The following MARCHF6 variants were observed in gnomAD, a reference collection of about 807,000 sequenced individuals.
MARCHF6 encodes membrane associated ring-CH-type finger 6.
MARCHF6 carries 31 observed loss-of-function variants against 133.7 expected under a neutral mutation model. The observed-to-expected ratio is 0.23, with a 90% CI of 0.17 to 0.31. MARCHF6 has a LOEUF of 0.31. Among genes scored for constraint, MARCHF6 ranks in the 10% least tolerant of loss-of-function variants. The pLI is 1.00. For missense variants in MARCHF6, 723 were observed against 1,121.6 expected, an observed-to-expected ratio of 0.64 and a Z score of 5.08; for synonymous variants, 395 against 402.5, an observed-to-expected ratio of 0.98 and a Z score of 0.22.
At chr5:10,369,568 T>C (rs1474473287) in intron 1 of MARCHF6, among the ~76,000 whole-genome samples, 3 of 150,864 alleles carry the variant, frequency 2.0e-5, no homozygotes, top group African/African-American at 7.3e-5. Context: ...TGCAGTCATA[T>C]AGCCAGCACA....
At chr5:10,405,240 CT>C (rs1475783793) in intron 15 of MARCHF6, among the ~76,000 whole-genome samples, 1 of 152,084 alleles carries the variant, frequency 6.6e-6, no homozygotes, top group Non-Finnish European at 1.5e-5. Flanking sequence ...CAACATAACC[CT>C]TTTACGATAG....
intron 2 of MARCHF6, 28 bp downstream of exon 2, chr5:10,377,922 A>G (rs1736887814): frequency 7.3e-7 from 1 of 1,376,030 alleles, no homozygotes; most frequent in Non-Finnish European, 1.0e-6. Flanking sequence ...AAAGTTATGT[A>G]AGTCTGAGCT....
chr5:10,382,926 G>C (rs1401231516), intron 4 of MARCHF6, among the ~76,000 whole-genome samples: 1 of 152,106 alleles, frequency 6.6e-6, no homozygotes, highest in South Asian at 2.1e-4. Context: ...TGGGAGGGTG[G>C]TATACTAATC....
chr5:10,415,738 A>G, intron 21 of MARCHF6, 69 bp downstream of exon 21: 1 of 1,152,814 alleles, frequency 8.7e-7, no homozygotes, highest in Non-Finnish European at 1.1e-6. Flanking sequence ...GTCATCTTAA[A>G]TTTTTTTTTT....
intron 22 of MARCHF6, among the ~76,000 whole-genome samples, chr5:10,420,347 T>C (rs1231503769): frequency 2.0e-5 from 3 of 152,186 alleles, no homozygotes; most frequent in Non-Finnish European, 4.4e-5. Context: ...TGCAGGTATG[T>C]TACATTGCAG....
chr5:10,410,875 A>C (rs377675581), intron 18 of MARCHF6, among the ~76,000 whole-genome samples: 1 of 152,168 alleles, frequency 6.6e-6, no homozygotes, highest in Non-Finnish European at 1.5e-5. Flanking sequence ...AGGTTTTACA[A>C]ATTTATAGCT....
At chr5:10,400,240 GA>G (rs1341503283) in intron 10 of MARCHF6, among the ~76,000 whole-genome samples, 1 of 152,148 alleles carries the variant, frequency 6.6e-6, no homozygotes, top group Non-Finnish European at 1.5e-5. Context: ...GAAAGAAGAA[GA>G]AATTCTTATC....
intron 17 of MARCHF6, among the ~76,000 whole-genome samples, chr5:10,409,463 G>A (rs552199373): frequency 6.6e-5 from 10 of 152,324 alleles, no homozygotes; most frequent in Admixed American, 6.5e-4. Flanking sequence ...GGATCTGCAG[G>A]GAGGCAAGTT....
At chr5:10,356,961 TG>T (rs1391564132) in intron 1 of MARCHF6, among the ~76,000 whole-genome samples, 2 of 152,230 alleles carry the variant, frequency 1.3e-5, no homozygotes, top group African/African-American at 4.8e-5. Context: ...AATTAATTTT[TG>T]TAAAATCAAC....
At position 10,434,529 on chromosome 5, in the gene MARCHF6, CTA is replaced by C. The variant is rs1740520527; in HGVS notation, c.*847_*848del. 1 of 134,284 alleles carries C rather than the reference CTA, an allele frequency of 7.4e-6. No individual in the cohort carries two copies. The highest frequency in any genetic ancestry group is 8.4e-5 in the Admixed American group (1 of 11,908). The allele number at this position is 134,284 out of a possible 1,614,324, so 8.3% of individuals were successfully genotyped here. A position where few individuals can be genotyped will look rare whatever the true frequency, so the allele number is the denominator to read the frequency against. On this transcript the variant is annotated 3_prime_UTR_variant, in exon 26 of 26. Coordinates refer to ENST00000274140, the MANE Select transcript of MARCHF6 (RefSeq NM_005885.4). The stretch of plus-strand genomic sequence containing the variant: ...CACATCCTCTCTTTTCCACACACAA[CTA>C]TCTGTTTATTTTTTGTAGCAGTGGC...
In MARCHF6 at chr5:10,414,438, T is replaced by C; in HGVS notation, c.1902T>C (p.Phe634=). 5 of 1,609,396 alleles carry C rather than the reference T, an allele frequency of 3.1e-6. No individual in the cohort carries two copies. Among genetic ancestry groups the C allele is most frequent in the Non-Finnish European group, 4.3e-6 (5 of 1,176,336 alleles). Residue 634 remains phenylalanine (F), a synonymous_variant, in exon 20 of 26, where the codon TTT becomes TTC. Transcript: ENST00000274140. ...CCTTATGTTTTACTTTGCAGATATT[T>C]CTGTTGATTGTCTTCATGTGTATAA... The part of the protein sequence containing the change: ...RRPLNFPLRI[F]LLIVFMCITL...
At chr5:10,401,874 A>C (rs943942299) in intron 11 of MARCHF6, 185 bp from the exon 12 acceptor site, 1 of 588,224 alleles carries the variant, frequency 1.7e-6, no homozygotes. Context: ...TTTTAGTAAT[A>C]TATAACAGTC....
chr5:10,376,912 T>G (rs930168672), intron 1 of MARCHF6, among the ~76,000 whole-genome samples: 4 of 152,182 alleles, frequency 2.6e-5, no homozygotes, highest in Non-Finnish European at 5.9e-5. Context: ...TGCATTAAGT[T>G]TCTGCCCATT....
chr5:10,377,912 A>G lies in MARCHF6; in HGVS notation c.116+18A>G. ...CAAGAATGGTAAGTCATACTTTTAG[A>G]AAGTTATGTAAGTCTGAGCTTCAGT... is the stretch of plus-strand genomic sequence containing the variant. On this transcript the variant is annotated intron_variant, in intron 2 of 25. Coordinates refer to ENST00000274140, the MANE Select transcript of MARCHF6 (RefSeq NM_005885.4). The G allele has an allele frequency of 1.3e-6, 2 of 1,487,214 alleles. No individual in the cohort carries two copies. Among genetic ancestry groups the G allele is most frequent in the East Asian group, 2.3e-5 (1 of 44,260 alleles). 92.1% of individuals were successfully genotyped at this position (1,487,214 alleles called of 1,614,324 possible).
intron 15 of MARCHF6, among the ~76,000 whole-genome samples, chr5:10,405,132 C>T (rs1246187431): frequency 1.3e-5 from 2 of 152,192 alleles, no homozygotes; most frequent in East Asian, 1.9e-4. Context: ...AGTACCCAGA[C>T]TCCTCCTTTA....
rs1347430587 is a variant in MARCHF6 at position 10,436,637 on chromosome 5, T to A, written c.*2953T>A. On this transcript the variant is annotated 3_prime_UTR_variant, in exon 26 of 26. Transcript: ENST00000274140. ...GGTGATAGTTTTACATGACCAGTTA[T>A]CAAACGGTCATAGTATGAAGTGTGC... The A allele has an allele frequency of 6.6e-6, 1 of 152,198 alleles. No individual in the cohort carries two copies. Among genetic ancestry groups the A allele is most frequent in the Middle Eastern group, 3.2e-3 (1 of 316 alleles). 9.4% of individuals were successfully genotyped at this position (152,198 alleles called of 1,614,324 possible).
At chr5:10,397,451 C>A in intron 10 of MARCHF6, 107 bp downstream of exon 10, 1 of 797,122 alleles carries the variant, frequency 1.3e-6, no homozygotes. Context: ...GAAATAAATA[C>A]TAAGCAGTAT....
In MARCHF6 at chr5:10,427,630, A is replaced by G. The variant is rs75834139; in HGVS notation, c.2506+1108A>G. On this transcript the variant is annotated intron_variant, in intron 24 of 25. Transcript: ENST00000274140. The stretch of plus-strand genomic sequence containing the variant: ...CTTTAACCGTGAGAGAGGAGCTTAA[A>G]AAAAACACACAACCAAACTTGCAGT... Among the ~76,000 whole-genome samples, 1,472 of 152,312 alleles carry G rather than the reference A, an allele frequency of 9.7e-3. 75 individuals are homozygous for G. Among genetic ancestry groups the G allele is most frequent in the Admixed American group, 0.085 (1,296 of 15,288 alleles).
chr5:10,432,762 C>G (rs914773765), intron 25 of MARCHF6, among the ~76,000 whole-genome samples: 5 of 152,234 alleles, frequency 3.3e-5, no homozygotes, highest in Admixed American at 1.3e-4. Flanking sequence ...GTTGTTGAAC[C>G]ATATTCTCCC....
Sources: allele counts gnomAD v4.1 joint callset (sites outside exome capture counted in the v4.1 genomes callset), GRCh38; gene constraint gnomAD v4.1.1; transcripts MANE v1.5; gene names NCBI Gene and HGNC (gene_info 2026-07-23, HGNC 2026-07-21).